The following ZNF236 variants were observed in gnomAD, a reference collection of about 807,000 sequenced individuals.
ZNF236 encodes zinc finger protein 236.
ZNF236 carries 50 observed loss-of-function variants against 191.2 expected under a neutral mutation model. The observed-to-expected ratio is 0.26, with a 90% CI of 0.21 to 0.33. The LOEUF (loss-of-function observed/expected upper bound fraction) is 0.33. Ranked by LOEUF, ZNF236 falls within the 10% of genes least tolerant of loss-of-function variation. The probability of loss-of-function intolerance (pLI) is 1.00; values close to 1 mark genes in which losing one functional copy is unlikely to be tolerated. For missense variants in ZNF236, 1,754 were observed against 2,374.5 expected (o/e 0.74, Z 5.43); for synonymous variants, 907 against 928.8 (o/e 0.98, Z 0.43).
intron 25 of ZNF236, 134 bp from the exon 26 acceptor site, chr18:76,937,022 A>G: frequency 1.4e-6 from 1 of 691,454 alleles, no homozygotes; most frequent in Non-Finnish European, 2.4e-6. Context: ...AGACCCTGTG[A>G]TTTCTTTGGT....
intron 26 of ZNF236, among the ~76,000 whole-genome samples, chr18:76,938,070 A>G (rs564092186): frequency 8.9e-4 from 136 of 152,284 alleles, no homozygotes; most frequent in African/African-American, 3.0e-3. Context: ...TCCTGGCTGT[A>G]ATAGAAGCAA....
intron 1 of ZNF236, among the ~76,000 whole-genome samples, chr18:76,846,352 G>A (rs1975680763): frequency 6.6e-6 from 1 of 152,236 alleles, no homozygotes; most frequent in Non-Finnish European, 1.5e-5. Flanking sequence ...GGTGTTATTT[G>A]AGGCCTGGGA....
In ZNF236 at chr18:76,947,333, G is replaced by A. The variant is rs147050634; in HGVS notation, c.4783-188G>A. ...TTTTGGCTATGGGTAATTCTCCTGT[G>A]GACATTTCTGTACAAGGCTTCTGTT... On this transcript the variant is annotated intron_variant, in intron 26 of 30. Coordinates refer to ENST00000320610, the MANE Select transcript of ZNF236 (RefSeq NM_001306089.2). 5.3e-5 allele frequency among the ~76,000 whole-genome samples: 8 copies of A among 152,232 alleles called. No homozygotes were observed. The East Asian group carries it at 1.5e-3, about 29-fold the overall frequency.
At chr18:76,910,580 A>C in intron 15 of ZNF236, 80 bp from the exon 16 acceptor site, 1 of 1,411,172 alleles carries the variant, frequency 7.1e-7, no homozygotes, top group Non-Finnish European at 9.7e-7. Context: ...TAGACATTTT[A>C]AATTTATAAA....
rs547761836 is a variant in ZNF236, at chr18:76,920,357, C to G, written c.3557+299C>G. ...CCTGAGGTTGGGAGTTTGAGACCAG[C>G]CTGACCAACATGGAGAAACCTGGTC... On this transcript the variant is annotated intron_variant, in intron 20 of 30. Coordinates refer to ENST00000320610, the MANE Select transcript of ZNF236 (RefSeq NM_001306089.2). Among the ~76,000 whole-genome samples, 8 of 152,118 alleles carry G rather than the reference C, an allele frequency of 5.3e-5. No homozygotes were observed. In the South Asian group the frequency reaches 1.7e-3, roughly 32 times the overall value.
chr18:76,878,243 G>T (rs1020058955), intron 7 of ZNF236, 91 bp downstream of exon 7: 2 of 1,297,350 alleles, frequency 1.5e-6, no homozygotes, highest in Non-Finnish European at 2.0e-6. Flanking sequence ...GTAGCAAAAA[G>T]GTGCTATGAA....
intron 3 of ZNF236, among the ~76,000 whole-genome samples, chr18:76,857,865 C>G (rs1021017158): frequency 2.0e-5 from 3 of 152,058 alleles, no homozygotes; most frequent in African/African-American, 7.2e-5. Context: ...TATTTAGATT[C>G]AGGGGAGAAC....
At position 76,875,059 on chromosome 18, in the gene ZNF236, G is replaced by A. The variant is rs912724313; in HGVS notation, c.668-433G>A. Reference sequence around the variant, plus strand: ...CAGGGTGGAAGCAGTGAGTCAAGCTGGGGGTGGTTTCAGGAGCTTTGAGTG... The same window carrying A: ...CAGGGTGGAAGCAGTGAGTCAAGCTAGGGGTGGTTTCAGGAGCTTTGAGTG... On this transcript the variant is annotated intron_variant, in intron 5 of 30. Coordinates refer to ENST00000320610, the MANE Select transcript of ZNF236 (RefSeq NM_001306089.2). This position sits in a 1 kb window ranked among gnomAD's most constrained non-coding sequence, Gnocchi z 4.3. 2.6e-5 allele frequency among the ~76,000 whole-genome samples: 4 copies of A among 152,214 alleles called. No individual in the cohort carries two copies. Among genetic ancestry groups the A allele is most frequent in the African/African-American group, 9.7e-5 (4 of 41,444 alleles).
intron 27 of ZNF236, among the ~76,000 whole-genome samples, chr18:76,954,078 A>T (rs570015796): frequency 6.6e-6 from 1 of 152,346 alleles, no homozygotes; most frequent in Non-Finnish European, 1.5e-5. Context: ...TTGGGCAAGT[A>T]TGATTTTAGC....
chr18:76,880,349 C>A lies in ZNF236; in HGVS notation c.1188+33C>A. The stretch of plus-strand genomic sequence containing the variant: ...ACGCTTCCCTGCGGTGTGAGGCTTA[C>A]GTGCTCGTGCTGGGTCAGAAACCAG... On this transcript the variant is annotated intron_variant, in intron 8 of 30. Coordinates refer to ENST00000320610, the MANE Select transcript of ZNF236 (RefSeq NM_001306089.2). This position sits in a 1 kb window ranked among gnomAD's most constrained non-coding sequence, Gnocchi z 5.0. 6.4e-7 allele frequency: 1 copy of A among 1,567,666 alleles called. No individual in the cohort carries two copies.
intron 1 of ZNF236, among the ~76,000 whole-genome samples, chr18:76,829,059 T>C (rs977589351): frequency 2.6e-5 from 4 of 152,216 alleles, no homozygotes; most frequent in African/African-American, 9.6e-5. Context: ...CCTTGGTCTT[T>C]CATGCAAAAC....
intron 21 of ZNF236, among the ~76,000 whole-genome samples, chr18:76,923,835 C>G (rs750120196): frequency 6.6e-6 from 1 of 152,170 alleles, no homozygotes; most frequent in Non-Finnish European, 1.5e-5. Context: ...ATTTAAATAG[C>G]TTTAAGCATT....
chr18:76,965,000 C>T (rs1193073070), intron 30 of ZNF236, among the ~76,000 whole-genome samples: 1 of 152,212 alleles, frequency 6.6e-6, no homozygotes, highest in African/African-American at 2.4e-5. Context: ...GATTTCTCTT[C>T]TTCCTCAGGA....
At chr18:76,920,196 T>G (rs961398134) in intron 20 of ZNF236, 138 bp downstream of exon 20, 42 of 992,788 alleles carry the variant, frequency 4.2e-5, no homozygotes, top group Admixed American at 1.1e-4. Context: ...GCTTACTTAC[T>G]TGAATGTATG....
At chr18:76,871,438 A>G (rs190580257) in intron 4 of ZNF236, among the ~76,000 whole-genome samples, 1 of 152,198 alleles carries the variant, frequency 6.6e-6, no homozygotes, top group East Asian at 1.9e-4. Context: ...TGTCTAGAAG[A>G]GACATTTTGC....
At chr18:76,950,176 C>T (rs1318230255) in intron 27 of ZNF236, among the ~76,000 whole-genome samples, 1 of 152,046 alleles carries the variant, frequency 6.6e-6, no homozygotes, top group East Asian at 1.9e-4. Context: ...AAGTTTGCTG[C>T]GTTGATTCTT....
chr18:76,901,758 C>CA (rs886991489), intron 11 of ZNF236, among the ~76,000 whole-genome samples: 156 of 137,744 alleles, frequency 1.1e-3, no homozygotes, highest in Middle Eastern at 0.011. Context: ...AACTCTGTCT[C>CA]AAAAAAAAAA....
intron 28 of ZNF236, among the ~76,000 whole-genome samples, chr18:76,959,008 A>T (rs1029376117): frequency 6.6e-6 from 1 of 152,214 alleles, no homozygotes; most frequent in Non-Finnish European, 1.5e-5. Context: ...AAATAACCAC[A>T]TTGCACATCC....
In ZNF236 at chr18:76,850,613, G is replaced by GT. The variant is rs1379165080; in HGVS notation, c.198+955dup. The stretch of plus-strand genomic sequence containing the variant: ...TGATTATTTTACCTGAAGTGTTTTT[G>GT]TTTTTTTTTTGAGATGGAGTTTCAC... On this transcript the variant is annotated intron_variant, in intron 2 of 30. Coordinates refer to ENST00000320610, the MANE Select transcript of ZNF236 (RefSeq NM_001306089.2). Among the ~76,000 whole-genome samples the GT allele has an allele frequency of 5.5e-3, 809 of 147,412 alleles. 8 individuals carry two copies. Among genetic ancestry groups the GT allele is most frequent in the African/African-American group, 0.017 (695 of 40,342 alleles).
Sources: gnomAD v4.1 joint callset for allele counts (sites outside exome capture counted in the v4.1 genomes callset) on GRCh38, gnomAD v4.1.1 for gene constraint, Gnocchi (gnomAD v3.1) non-coding constraint, MANE v1.5 for transcripts, NCBI Gene and HGNC (gene_info 2026-07-23, HGNC 2026-07-21) for gene names.